The following DGKB variants were observed in gnomAD, a reference collection of about 807,000 sequenced individuals.
DGKB encodes the protein 90 kDa diacylglycerol kinase.
DGKB carries 67 observed loss-of-function variants against 114.3 expected under a neutral mutation model. The observed-to-expected ratio is 0.59, with a 90% CI of 0.48 to 0.72. The LOEUF (loss-of-function observed/expected upper bound fraction) is 0.72, where lower values mean the gene tolerates loss of function less well. Ranked by LOEUF, DGKB falls within the 30% of genes least tolerant of loss-of-function variation. DGKB has a pLI of 0.00. For missense variants in DGKB, 907 were observed against 975.2 expected, an observed-to-expected ratio of 0.93 and a Z score of 0.93; for synonymous variants, 398 against 323.1, an observed-to-expected ratio of 1.23 and a Z score of -2.49.
At chr7:14,517,294 A>G (rs1284061154) in intron 20 of DGKB, among the ~76,000 whole-genome samples, 1 of 152,156 alleles carries the variant, frequency 6.6e-6, no homozygotes, top group African/African-American at 2.4e-5. Flanking sequence ...TATACCACAT[A>G]CAAAAATCAA....
At chr7:14,871,512 A>C (rs940063874) in intron 1 of DGKB, among the ~76,000 whole-genome samples, 1 of 152,180 alleles carries the variant, frequency 6.6e-6, no homozygotes, top group African/African-American at 2.4e-5. Flanking sequence ...AATCTCGTAC[A>C]GTTTATCACT....
At chr7:14,487,972 T>G (rs1338675436) in intron 20 of DGKB, among the ~76,000 whole-genome samples, 2 of 152,116 alleles carry the variant, frequency 1.3e-5, no homozygotes, top group East Asian at 3.9e-4. Flanking sequence ...TCATCTGCTG[T>G]AAATAAAAAC....
chr7:14,590,370 T>G (rs765771526), intron 17 of DGKB, among the ~76,000 whole-genome samples: 36 of 152,106 alleles, frequency 2.4e-4, no homozygotes, highest in Non-Finnish European at 4.7e-4. Context: ...AGCTGCAACA[T>G]TTCCCACCGA....
At chr7:14,483,029 T>A (rs1462852779) in intron 20 of DGKB, among the ~76,000 whole-genome samples, 1 of 152,092 alleles carries the variant, frequency 6.6e-6, no homozygotes, top group African/African-American at 2.4e-5. Flanking sequence ...TTGGAGAAGT[T>A]AACGTTTTGG....
chr7:14,285,640 T>G (rs1342342975), intron 23 of DGKB, among the ~76,000 whole-genome samples: 2 of 152,196 alleles, frequency 1.3e-5, no homozygotes, highest in African/African-American at 2.4e-5. Flanking sequence ...TCACATTGTA[T>G]ATTAATTGGA....
chr7:14,632,831 GA>G (rs1182492154), intron 13 of DGKB, among the ~76,000 whole-genome samples: 2 of 151,914 alleles, frequency 1.3e-5, no homozygotes, highest in Admixed American at 1.3e-4. Flanking sequence ...AGGCTTTTTA[GA>G]AAAAAGCAAT....
At chr7:14,451,934 A>G (rs986448042) in intron 21 of DGKB, among the ~76,000 whole-genome samples, 1 of 152,112 alleles carries the variant, frequency 6.6e-6, no homozygotes, top group Non-Finnish European at 1.5e-5. Flanking sequence ...TGATTGTTTA[A>G]TATTTTACTG....
chr7:14,620,000 T>A (rs1489651081), intron 15 of DGKB, among the ~76,000 whole-genome samples: 2 of 151,620 alleles, frequency 1.3e-5, no homozygotes, highest in African/African-American at 4.8e-5. Flanking sequence ...TAGCTGAAGA[T>A]TTAAACTTAT....
intron 8 of DGKB, among the ~76,000 whole-genome samples, chr7:14,694,572 A>C (rs1272299535): frequency 6.6e-6 from 1 of 152,218 alleles, no homozygotes; most frequent in Non-Finnish European, 1.5e-5. Flanking sequence ...AAGAGCTCAT[A>C]TAATTCTTTG....
chr7:14,938,664 G>A (rs1483335672), intron 1 of DGKB, among the ~76,000 whole-genome samples: 2 of 151,198 alleles, frequency 1.3e-5, no homozygotes, highest in Non-Finnish European at 2.9e-5. Flanking sequence ...AAGTAAAGGT[G>A]TATTCCAAAG....
intron 21 of DGKB, among the ~76,000 whole-genome samples, chr7:14,367,087 G>T (rs990803501): frequency 6.6e-6 from 1 of 152,026 alleles, no homozygotes; most frequent in Non-Finnish European, 1.5e-5. Context: ...ACTCTCTTGC[G>T]ATGCCAGGCA....
chr7:14,878,489 T>C lies in DGKB; in HGVS notation c.-188+24103A>G, dbSNP rs141319854. ...GGCCAGGCACCGTGGCTCACACCTG[T>C]AATCCCAGCATTTTGGGAGGCTGAG... On this transcript the variant is annotated intron_variant, in intron 1 of 25. Coordinates refer to ENST00000402815, the MANE Select transcript of DGKB (RefSeq NM_001350709.2). Among the ~76,000 whole-genome samples, 965 of 152,242 alleles carry C rather than the reference T, an allele frequency of 6.3e-3. 7 individuals carry two copies. The highest frequency in any genetic ancestry group is 0.018 in the South Asian group (89 of 4,816).
At chr7:14,253,193 C>G (rs767196555) in intron 23 of DGKB, among the ~76,000 whole-genome samples, 1 of 152,064 alleles carries the variant, frequency 6.6e-6, no homozygotes, top group Non-Finnish European at 1.5e-5. Context: ...TGCCACCATG[C>G]TGCACTGATT....
intron 20 of DGKB, among the ~76,000 whole-genome samples, chr7:14,570,659 C>A (rs6945470): frequency 0.012 from 1,821 of 151,878 alleles, 23 homozygotes; most frequent in Admixed American, 0.027. Flanking sequence ...TATTCATTAA[C>A]TGGAAGTTGA....
intron 6 of DGKB, among the ~76,000 whole-genome samples, chr7:14,714,160 G>A (rs981644422): frequency 1.3e-5 from 2 of 151,710 alleles, no homozygotes; most frequent in Admixed American, 6.6e-5. Flanking sequence ...CCAATTAGGA[G>A]ATGGCAAGAA....
intron 2 of DGKB, among the ~76,000 whole-genome samples, chr7:14,776,172 T>A (rs188268042): frequency 6.6e-6 from 1 of 152,294 alleles, no homozygotes; most frequent in Admixed American, 6.5e-5. Context: ...AGAGAAATGA[T>A]TTAATGTATC....
intron 12 of DGKB, among the ~76,000 whole-genome samples, chr7:14,675,249 T>G (rs775665427): frequency 6.6e-6 from 1 of 152,132 alleles, no homozygotes; most frequent in East Asian, 1.9e-4. Flanking sequence ...CTGAGTCTTA[T>G]GCCAACGCTG....
intron 19 of DGKB, 81 bp downstream of exon 19, chr7:14,580,781 G>T: frequency 2.0e-6 from 2 of 977,266 alleles, no homozygotes; most frequent in African/African-American, 1.6e-5. Context: ...TATCGTTTTT[G>T]TTTCTTTTCT....
chr7:14,885,155 C>T (rs1335322001), intron 1 of DGKB, among the ~76,000 whole-genome samples: 2 of 151,722 alleles, frequency 1.3e-5, no homozygotes, highest in Non-Finnish European at 2.9e-5. Flanking sequence ...ATGAGTAGAG[C>T]CAAAATCAGT....
Sources: allele counts gnomAD v4.1 joint callset (sites outside exome capture counted in the v4.1 genomes callset), GRCh38; gene constraint gnomAD v4.1.1; transcripts MANE v1.5; gene names NCBI Gene and HGNC (gene_info 2026-07-23, HGNC 2026-07-21).